Variants in TBC1D8 observed in about 807,000 individuals in gnomAD.
The protein encoded by TBC1D8 is TBC1 domain family member 8.
Under a neutral mutation model 118.8 loss-of-function variants are expected in TBC1D8, and 65 were observed. The observed-to-expected ratio is 0.55, with a 90% CI of 0.45 to 0.67. TBC1D8 has a LOEUF of 0.67. Among genes scored for constraint, TBC1D8 ranks in the 30% least tolerant of loss-of-function variants. TBC1D8 has a pLI of 0.00. For synonymous variants in TBC1D8, 566 were observed against 595.8 expected, an observed-to-expected ratio of 0.95 and a Z score of 0.73; for missense variants, 1,376 against 1,471.2, an observed-to-expected ratio of 0.94 and a Z score of 1.06.
chr2:101,115,611 G>T (rs780071984), intron 1 of TBC1D8, among the ~76,000 whole-genome samples: 25 of 152,056 alleles, frequency 1.6e-4, no homozygotes, highest in Non-Finnish European at 3.2e-4. Context: ...ATTAGCTGGG[G>T]TTGGTGGTCC....
chr2:101,071,684 T>C (rs988167810), intron 2 of TBC1D8, among the ~76,000 whole-genome samples: 1 of 152,180 alleles, frequency 6.6e-6, no homozygotes, highest in Non-Finnish European at 1.5e-5. Flanking sequence ...TTTAAATAAT[T>C]TACTATTGTA....
At chr2:101,035,957 G>A (rs962073476) in intron 9 of TBC1D8, 61 bp downstream of exon 9, 90 of 1,590,040 alleles carry the variant, frequency 5.7e-5, no homozygotes, top group Non-Finnish European at 7.1e-5. Flanking sequence ...GCTCGGGTCC[G>A]GGCTGTTCCT....
intron 15 of TBC1D8, among the ~76,000 whole-genome samples, chr2:101,024,549 G>T (rs1680225554): frequency 6.6e-6 from 1 of 151,860 alleles, no homozygotes; most frequent in Non-Finnish European, 1.5e-5. Context: ...TGGGATTACA[G>T]GTGCATGCCA....
chr2:101,030,767 T>G (rs1200572683), intron 11 of TBC1D8, among the ~76,000 whole-genome samples: 2 of 152,212 alleles, frequency 1.3e-5, no homozygotes, highest in East Asian at 3.9e-4. Context: ...AGCAGGTGAC[T>G]GGACAAGCAC....
chr2:101,008,183 T>C lies in TBC1D8; in HGVS notation c.3106A>G (p.Thr1036Ala). 2 of 1,613,394 alleles carry C rather than the reference T, an allele frequency of 1.2e-6. No homozygotes were observed. Among genetic ancestry groups the C allele is most frequent in the Non-Finnish European group, 1.7e-6 (2 of 1,179,588 alleles). ...TCCCCGATCTGCAGCAGCAGTGTGG[T>C]GACTGTGGCGATGGCTTGATACAAA... ...NDLYQAIATV[T>A]TLLLQIGEVG... The change falls in exon 20 of 20, where the codon ACC (threonine) becomes GCC (alanine). Residue 1036 changes from threonine (T) to alanine (A), a missense_variant. Transcript: ENST00000409318.
chr2:101,075,537 G>A (rs931380029), intron 2 of TBC1D8, among the ~76,000 whole-genome samples: 4 of 152,110 alleles, frequency 2.6e-5, no homozygotes, highest in Admixed American at 1.3e-4. Flanking sequence ...GAATCATGAG[G>A]GCAGTTTCCC....
intron 1 of TBC1D8, among the ~76,000 whole-genome samples, chr2:101,119,872 G>C (rs1432517586): frequency 1.3e-5 from 2 of 152,180 alleles, no homozygotes; most frequent in African/African-American, 4.8e-5. Context: ...GCAGGTCCTT[G>C]AAATGACACC....
intron 2 of TBC1D8, among the ~76,000 whole-genome samples, chr2:101,073,286 A>AT (rs1558676266): frequency 8.4e-5 from 12 of 142,856 alleles, no homozygotes; most frequent in African/African-American, 3.2e-4. Context: ...ATTTTATTTT[A>AT]TTTTATTTTA....
chr2:101,150,416 T>A (rs1679504742), intron 1 of TBC1D8, among the ~76,000 whole-genome samples: 1 of 152,242 alleles, frequency 6.6e-6, no homozygotes, highest in Non-Finnish European at 1.5e-5. Flanking sequence ...TCCTAGCTAC[T>A]GCAAGTTGGC....
chr2:101,038,124 C>A (rs956259746), intron 7 of TBC1D8, among the ~76,000 whole-genome samples: 1 of 152,164 alleles, frequency 6.6e-6, no homozygotes, highest in African/African-American at 2.4e-5. Context: ...CAGGCCCCAG[C>A]CACCCCGGGA....
At chr2:101,062,086 G>A (rs890326090) in intron 2 of TBC1D8, among the ~76,000 whole-genome samples, 25 of 152,320 alleles carry the variant, frequency 1.6e-4, no homozygotes, top group African/African-American at 5.8e-4. Flanking sequence ...TGGCAGGTGT[G>A]TAGGTGTCAG....
chr2:101,138,683 G>A (rs1251433200), intron 1 of TBC1D8, among the ~76,000 whole-genome samples: 1 of 152,184 alleles, frequency 6.6e-6, no homozygotes, highest in Non-Finnish European at 1.5e-5. Flanking sequence ...AGATACACAG[G>A]GCGGGGTGTA....
intron 1 of TBC1D8, among the ~76,000 whole-genome samples, chr2:101,120,104 G>T (rs1460391248): frequency 6.6e-6 from 1 of 152,112 alleles, no homozygotes; most frequent in African/African-American, 2.4e-5. Context: ...CAACACCGAG[G>T]TGGGGGTGGC....
chr2:101,144,943 A>G (rs1327509653), intron 1 of TBC1D8, among the ~76,000 whole-genome samples: 1 of 152,224 alleles, frequency 6.6e-6, no homozygotes, highest in Non-Finnish European at 1.5e-5. Flanking sequence ...GTCTCCAAAA[A>G]TAAAAATAAA....
intron 1 of TBC1D8, among the ~76,000 whole-genome samples, chr2:101,138,673 A>ATCGG (rs1350544026): frequency 6.6e-6 from 1 of 152,220 alleles, no homozygotes. Context: ...CCAGATGAAG[A>ATCGG]GATACACAGG....
rs946355480 is a variant in TBC1D8 at position 101,151,297 on chromosome 2, C to A, written c.-44G>T. On this transcript the variant is annotated 5_prime_UTR_variant, in exon 1 of 20. Transcript: ENST00000409318. The stretch of plus-strand genomic sequence containing the variant: ...CCCGCCGGCCCCAGCTCACATCTCC[C>A]CGGCCGCCGGTCGCTGTGAGCCGAG... 42 of 1,110,134 alleles carry A rather than the reference C, an allele frequency of 3.8e-5. No individual in the cohort carries two copies. Among genetic ancestry groups the A allele is most frequent in the Non-Finnish European group, 4.6e-5 (41 of 897,928 alleles). 68.8% of individuals were successfully genotyped at this position (1,110,134 alleles called of 1,614,324 possible).
intron 3 of TBC1D8, among the ~76,000 whole-genome samples, chr2:101,056,186 T>C (rs573059600): frequency 8.8e-4 from 131 of 149,558 alleles, no homozygotes; most frequent in African/African-American, 3.2e-3. Flanking sequence ...AATAACAATG[T>C]AATGTAAAAT....
At chr2:101,078,098 C>T (rs76168653) in intron 2 of TBC1D8, among the ~76,000 whole-genome samples, 2,639 of 152,218 alleles carry the variant, frequency 0.017, 77 homozygotes, top group African/African-American at 0.06. Context: ...CCCCAACCAA[C>T]GAGCAGCTTC....
At chr2:101,070,943 C>T (rs190639223) in intron 2 of TBC1D8, among the ~76,000 whole-genome samples, 7 of 152,246 alleles carry the variant, frequency 4.6e-5, no homozygotes, top group Non-Finnish European at 1.0e-4. Context: ...AATTCTAAAA[C>T]ATTGTACCTA....
Sources: gnomAD v4.1 joint callset for allele counts (sites outside exome capture counted in the v4.1 genomes callset) on GRCh38, gnomAD v4.1.1 for gene constraint, MANE v1.5 for transcripts, NCBI Gene and HGNC (gene_info 2026-07-23, HGNC 2026-07-21) for gene names.